Variants in ALOX12B observed in about 807,000 individuals in gnomAD.
ALOX12B encodes arachidonate 12-lipoxygenase, 12R-type.
Under a neutral mutation model 78.9 loss-of-function variants are expected in ALOX12B, and 47 were observed. That is an observed-to-expected ratio of 0.60 (90% CI 0.47 to 0.76). The LOEUF is 0.76. ALOX12B is among the 30% of genes least tolerant of loss of function. The probability of loss-of-function intolerance (pLI) is 0.00; values close to 1 mark genes in which losing one functional copy is unlikely to be tolerated. For synonymous variants in ALOX12B, 370 were observed against 374.5 expected (o/e 0.99, Z 0.14); for missense variants, 805 against 922.6 (o/e 0.87, Z 1.65).
rs576310715 is a variant in ALOX12B, at chr17:8,080,298, G to A, written c.691C>T (p.His231Tyr). The stretch of plus-strand genomic sequence containing the variant: ...ATGTCCTTCAGCCTCTTCCACGAAT[G>A]TTTGCAGTCCAACAGGCCGCGGACT... ...FKVRGLLDCK[H>Y]SWKRLKDIRK... Residue 231 changes from histidine (H) to tyrosine (Y), a missense_variant, in exon 6 of 15, where the codon CAT becomes TAT. Coordinates refer to ENST00000647874, the MANE Select transcript of ALOX12B (RefSeq NM_001139.3). The surrounding 1 kb of genome is among the most constrained non-coding windows in gnomAD (Gnocchi z 4.8). The A allele has an allele frequency of 1.9e-6, 3 of 1,614,120 alleles. No individual in the cohort carries two copies. Among genetic ancestry groups the A allele is most frequent in the African/African-American group, 1.3e-5 (1 of 74,938 alleles).
rs1253276215 is a variant in ALOX12B, at chr17:8,073,719, G to A, written c.1693C>T (p.Arg565Ter). 1 of 1,613,876 alleles carries A rather than the reference G, an allele frequency of 6.2e-7. No individual in the cohort carries two copies. Among genetic ancestry groups the A allele is most frequent in the South Asian group, 1.1e-5 (1 of 91,056 alleles). The change falls in exon 13 of 15, where the codon CGA (arginine) becomes TGA (stop). Residue 565 changes from arginine (R) to a stop codon, truncating the protein, a stop_gained. Transcript: ENST00000647874. LOFTEE classifies it high-confidence loss of function. ...RCLRTVPELI[R>*]YVTIVIYTCS... ...GTGTAGATGACTATAGTGACATATC[G>A]GATCAGCTCAGGCACGGTTCGCAAG...
rs1311514130 is a variant in ALOX12B at position 8,072,898 on chromosome 17, C to T, written c.1979G>A (p.Arg660Lys). ...GCGCTGGCGGAACGCCTCTATGCTC[C>T]TCCGCGGGGCCTCCTCCACGAAGTG... Reference protein sequence around the residue: ...DIHFVEEAPRRSIEAFRQRLN... With the variant: ...DIHFVEEAPRKSIEAFRQRLN... The change falls in exon 15 of 15, where the codon AGG (arginine) becomes AAG (lysine). Residue 660 changes from arginine to lysine, a missense_variant. By Grantham distance (26) the Arg-to-Lys change is conservative. Coordinates refer to ENST00000647874, the MANE Select transcript of ALOX12B (RefSeq NM_001139.3). 3 of 1,614,072 alleles carry T rather than the reference C, an allele frequency of 1.9e-6. No individual in the cohort carries two copies. The African/African-American group carries it at 4.0e-5, about 22-fold the overall frequency.
rs1472720171 is a variant in ALOX12B, at chr17:8,079,384, C to T, written c.1071+12G>A. On this transcript the variant is annotated intron_variant, in intron 8 of 14. Transcript: ENST00000647874. This position sits in a 1 kb window ranked among gnomAD's most constrained non-coding sequence, Gnocchi z 6.4. ...AGAGGCTCAGCGGCAGCGCCGCCTG[C>T]AGCCCAGGCACCTGGATGGCGATGG... The T allele has an allele frequency of 3.2e-6, 5 of 1,552,316 alleles. No homozygotes were observed. Among genetic ancestry groups the T allele is most frequent in the Admixed American group, 1.9e-5 (1 of 51,328 alleles).
At chr17:8,076,907 G>T in intron 9 of ALOX12B, 83 bp downstream of exon 9, 1 of 1,498,130 alleles carries the variant, frequency 6.7e-7, no homozygotes, top group Non-Finnish European at 9.1e-7. Flanking sequence ...GAGTCTCTCT[G>T]ACTGCTCAGT....
Position 8,073,148 on chromosome 17 carries a change from CCT to C in ALOX12B, c.1924_1925del (p.Arg642AlafsTer54). On this transcript the variant is annotated frameshift_variant and splice_region_variant, in exon 14 of 15. Transcript: ENST00000647874. ...CAGAGTCCCCCATCCCGTCTCGCACCCTGTCGTCAGGCTCTCGGCTGAGGGTC... is the reference window on the plus strand; with the variant it reads ...CAGAGTCCCCCATCCCGTCTCGCACCGTCGTCAGGCTCTCGGCTGAGGGTC... ...LWTLSREPDD[R>X]RPLGHFPDIH... 8 of 1,614,126 alleles carry C rather than the reference CCT, an allele frequency of 5.0e-6. No homozygotes were observed. Among genetic ancestry groups the C allele is most frequent in the Non-Finnish European group, 5.9e-6 (7 of 1,180,040 alleles).
intron 2 of ALOX12B, among the ~76,000 whole-genome samples, chr17:8,085,703 T>C (rs1978294760): frequency 6.6e-6 from 1 of 152,148 alleles, no homozygotes; most frequent in South Asian, 2.1e-4. Flanking sequence ...GCCGGGCATC[T>C]TATAGGAGTC....
chr17:8,087,476 T>C lies in ALOX12B; in HGVS notation c.-34A>G, dbSNP rs889808987. On this transcript the variant is annotated 5_prime_UTR_variant, in exon 1 of 15. Coordinates refer to ENST00000647874, the MANE Select transcript of ALOX12B (RefSeq NM_001139.3). ...TTCAGGAGGCAAGAGGGGCACTCAG[T>C]CCCAGACACCGTGGAGGGGCCACAC... The C allele has an allele frequency of 1.2e-6, 2 of 1,613,718 alleles. No individual in the cohort carries two copies. Among genetic ancestry groups the C allele is most frequent in the Non-Finnish European group, 1.7e-6 (2 of 1,179,998 alleles).
At chr17:8,076,618 A>C in intron 10 of ALOX12B, 39 bp downstream of exon 10, 1 of 1,538,810 alleles carries the variant, frequency 6.5e-7, no homozygotes, top group Non-Finnish European at 8.8e-7. Context: ...GGCCAGAGGA[A>C]AACAAATGTC....
intron 9 of ALOX12B, 89 bp downstream of exon 9, chr17:8,076,899 GTC>G: frequency 6.8e-7 from 1 of 1,469,590 alleles, no homozygotes; most frequent in Non-Finnish European, 9.3e-7. Context: ...GCTGACTGGA[GTC>G]TCTCTGACTG....
chr17:8,073,406 G>T, intron 13 of ALOX12B, 88 bp from the exon 14 acceptor site: 1 of 1,561,776 alleles, frequency 6.4e-7, no homozygotes, highest in Non-Finnish European at 8.8e-7. Context: ...CCCTCCAGTC[G>T]CTGAGATGGA....
rs1343950541 is a variant in ALOX12B at position 8,080,825 on chromosome 17, G to A, written c.528-45C>T. The A allele has an allele frequency of 6.2e-7, 1 of 1,614,016 alleles. No homozygotes were observed. Among genetic ancestry groups the A allele is most frequent in the Non-Finnish European group, 8.5e-7 (1 of 1,179,938 alleles). On this transcript the variant is annotated intron_variant, in intron 4 of 14. Transcript: ENST00000647874. This position sits in a 1 kb window ranked among gnomAD's most constrained non-coding sequence, Gnocchi z 4.8. The stretch of plus-strand genomic sequence containing the variant: ...GCAACTGGGATCCAGGGGGCGGGGA[G>A]GAGGCAGGCGCCCAGGGGAAAACCA...
At chr17:8,078,290 C>T (rs1598179635) in intron 8 of ALOX12B, among the ~76,000 whole-genome samples, 1 of 151,256 alleles carries the variant, frequency 6.6e-6, no homozygotes, top group African/African-American at 2.4e-5. Context: ...GGACTACAGG[C>T]GCCGCCCCCG....
At chr17:8,085,383 G>A (rs796675121) in intron 2 of ALOX12B, among the ~76,000 whole-genome samples, 3 of 152,152 alleles carry the variant, frequency 2.0e-5, no homozygotes, top group African/African-American at 4.8e-5. Context: ...GGAGGTGGAG[G>A]TTGCAGTGAG....
chr17:8,076,711 C>A lies in ALOX12B; in HGVS notation c.1308G>T (p.Gln436His). Residue 436 changes from glutamine to histidine, a missense_variant, in exon 10 of 15, where the codon CAG (glutamine) becomes CAT (histidine). Physicochemically the swap from Gln to His is conservative, Grantham distance 24. Coordinates refer to ENST00000647874, the MANE Select transcript of ALOX12B (RefSeq NM_001139.3). ...GAACGGCCCGGCCAATGCTGTTGATCTGGACGGTGTATCGGGTATGGGGGA... is the reference window on the plus strand; with the variant it reads ...GAACGGCCCGGCCAATGCTGTTGATATGGACGGTGTATCGGGTATGGGGGA... ...LLIPHTRYTV[Q>H]INSIGRAVLL... The A allele has an allele frequency of 6.4e-7, 1 of 1,550,960 alleles. No individual in the cohort carries two copies. The highest frequency in any genetic ancestry group is 8.7e-7 in the Non-Finnish European group (1 of 1,147,106).
At chr17:8,083,751 CA>C (rs35241692) in intron 2 of ALOX12B, among the ~76,000 whole-genome samples, 1 of 150,130 alleles carries the variant, frequency 6.7e-6, no homozygotes, top group Non-Finnish European at 1.5e-5. Context: ...AAAAACAAAA[CA>C]AAAAAAAACA....
chr17:8,075,928 G>A (rs190457878), intron 11 of ALOX12B, among the ~76,000 whole-genome samples: 2 of 152,336 alleles, frequency 1.3e-5, no homozygotes, highest in East Asian at 3.9e-4. Context: ...GATGGGCAAG[G>A]CCTACAGGCA....
chr17:8,080,149 C>A lies in ALOX12B; in HGVS notation c.754+86G>T. On this transcript the variant is annotated intron_variant, in intron 6 of 14. Transcript: ENST00000647874. The surrounding 1 kb of genome is among the most constrained non-coding windows in gnomAD (Gnocchi z 4.8). ...GCGCGCGCCTCGCTGCCTCTCCCGT[C>A]CCACTGCCCCGAAGTCGGGGGCCTG... 1 of 1,519,796 alleles carries A rather than the reference C, an allele frequency of 6.6e-7. No homozygotes were observed. 94.1% of individuals were successfully genotyped at this position (1,519,796 alleles called of 1,614,324 possible). A position where few individuals can be genotyped will look rare whatever the true frequency, so the allele number is the denominator to read the frequency against.
At chr17:8,085,013 C>T (rs1978292551) in intron 2 of ALOX12B, among the ~76,000 whole-genome samples, 1 of 152,156 alleles carries the variant, frequency 6.6e-6, no homozygotes, top group African/African-American at 2.4e-5. Flanking sequence ...CCTTGGCCAG[C>T]CTTAACCTTG....
intron 8 of ALOX12B, among the ~76,000 whole-genome samples, chr17:8,077,937 G>A (rs1395018084): frequency 6.6e-6 from 1 of 152,094 alleles, no homozygotes; most frequent in Non-Finnish European, 1.5e-5. Flanking sequence ...CACACCAGTG[G>A]ATTCCACCAG....
Sources: allele counts gnomAD v4.1 joint callset (sites outside exome capture counted in the v4.1 genomes callset), GRCh38; gene constraint gnomAD v4.1.1; non-coding constraint Gnocchi (gnomAD v3.1); transcripts MANE v1.5; gene names NCBI Gene and HGNC (gene_info 2026-07-23, HGNC 2026-07-21).